Variants in SPOCK1 observed in about 807,000 individuals in gnomAD.
The protein encoded by SPOCK1 is SPARC (osteonectin), cwcv and kazal like domains proteoglycan 1, also known as testican-1.
In SPOCK1, 23 loss-of-function variants were observed where a neutral mutation model predicts 55.3. That is an observed-to-expected ratio of 0.42 (90% CI 0.30 to 0.59). The LOEUF is 0.59. Ranked by LOEUF, SPOCK1 falls within the 20% of genes least tolerant of loss-of-function variation. The pLI, the probability that SPOCK1 is intolerant of heterozygous loss-of-function variation, is 0.22. For synonymous variants in SPOCK1, 226 were observed against 221.0 expected, an observed-to-expected ratio of 1.02 and a Z score of -0.20; for missense variants, 499 against 552.5, an observed-to-expected ratio of 0.90 and a Z score of 0.97.
At chr5:137,484,396 C>G (rs1192538926) in intron 2 of SPOCK1, among the ~76,000 whole-genome samples, 10 of 152,184 alleles carry the variant, frequency 6.6e-5, no homozygotes, top group Non-Finnish European at 1.5e-4. Flanking sequence ...ACACCTGTTT[C>G]CCTGACAAAA....
At chr5:137,092,440 G>A (rs1315817655) in intron 5 of SPOCK1, among the ~76,000 whole-genome samples, 2 of 152,180 alleles carry the variant, frequency 1.3e-5, no homozygotes, top group East Asian at 1.9e-4. Flanking sequence ...CCCACTTGGC[G>A]CTTCTGCCAG....
chr5:137,486,387 T>C (rs147635535), intron 2 of SPOCK1, among the ~76,000 whole-genome samples: 102 of 152,272 alleles, frequency 6.7e-4, no homozygotes, highest in African/African-American at 2.4e-3. Flanking sequence ...ATTTGCAGAG[T>C]AGGCCCTTTT....
At chr5:137,184,159 A>G (rs1329668866) in intron 3 of SPOCK1, among the ~76,000 whole-genome samples, 1 of 152,214 alleles carries the variant, frequency 6.6e-6, no homozygotes, top group African/African-American at 2.4e-5. Context: ...CTCAATGACC[A>G]TGTAAAGTAG....
chr5:137,400,124 A>G (rs1158160719), intron 2 of SPOCK1, among the ~76,000 whole-genome samples: 1 of 152,226 alleles, frequency 6.6e-6, no homozygotes, highest in African/African-American at 2.4e-5. Context: ...GTTAACTGGG[A>G]TATTCTTGCC....
chr5:137,042,812 T>C (rs1752024971), intron 6 of SPOCK1, among the ~76,000 whole-genome samples: 1 of 152,138 alleles, frequency 6.6e-6, no homozygotes. Flanking sequence ...TAGCTTAATA[T>C]AGATACATAT....
In SPOCK1 at chr5:137,112,121, C is replaced by G. The variant is rs1448386681; in HGVS notation, c.474+314G>C. On this transcript the variant is annotated intron_variant, in intron 5 of 10. Coordinates refer to ENST00000394945, the MANE Select transcript of SPOCK1 (RefSeq NM_004598.4). ...GCTCCCCATCAGTTGAGCTATATGACTTGCCTCTTTTGAACAGCTGGCTAT... is the reference window on the plus strand; with the variant it reads ...GCTCCCCATCAGTTGAGCTATATGAGTTGCCTCTTTTGAACAGCTGGCTAT... Among the ~76,000 whole-genome samples, 4 of 152,200 alleles carry G rather than the reference C, an allele frequency of 2.6e-5. No individual in the cohort carries two copies. In the East Asian group the frequency reaches 7.7e-4, roughly 29 times the overall value.
intron 2 of SPOCK1, among the ~76,000 whole-genome samples, chr5:137,398,065 G>C (rs1165425070): frequency 6.6e-6 from 1 of 151,940 alleles, no homozygotes; most frequent in Non-Finnish European, 1.5e-5. Context: ...CACCGTCTGG[G>C]CCATACCAGC....
chr5:137,452,066 G>A (rs945860235), intron 2 of SPOCK1, among the ~76,000 whole-genome samples: 2 of 152,206 alleles, frequency 1.3e-5, no homozygotes, highest in Non-Finnish European at 2.9e-5. Context: ...GCATCAGGTT[G>A]ATGGCCAAAA....
rs912104331 is a variant in SPOCK1, at chr5:136,975,663, G to A, written c.*2991C>T. On this transcript the variant is annotated 3_prime_UTR_variant, in exon 11 of 11. Coordinates refer to ENST00000394945, the MANE Select transcript of SPOCK1 (RefSeq NM_004598.4). ...AAAAATGTGAGTGGCATCCTGGGAT[G>A]AGCAGGGGGACAGACCTGGACAGAC... The A allele has an allele frequency of 5.3e-5, 8 of 152,290 alleles. No individual in the cohort carries two copies. The highest frequency in any genetic ancestry group is 1.9e-4 in the African/African-American group (8 of 41,456). 9.4% of individuals were successfully genotyped at this position (152,290 alleles called of 1,614,324 possible). A position where few individuals can be genotyped will look rare whatever the true frequency, so the allele number is the denominator to read the frequency against.
chr5:137,255,932 A>G (rs1463483814), intron 3 of SPOCK1, among the ~76,000 whole-genome samples: 3 of 152,222 alleles, frequency 2.0e-5, no homozygotes, highest in Non-Finnish European at 4.4e-5. Flanking sequence ...GAGCCAAAGA[A>G]GAAGATGAGC....
At chr5:137,016,795 A>G (rs922920833) in intron 6 of SPOCK1, among the ~76,000 whole-genome samples, 1 of 152,240 alleles carries the variant, frequency 6.6e-6, no homozygotes, top group Non-Finnish European at 1.5e-5. Flanking sequence ...ATTTTAAGAG[A>G]GCAAAACAAT....
intron 3 of SPOCK1, among the ~76,000 whole-genome samples, chr5:137,205,742 G>A (rs893057630): frequency 6.6e-6 from 1 of 152,210 alleles, no homozygotes; most frequent in Non-Finnish European, 1.5e-5. Flanking sequence ...GAGCATCTCT[G>A]TGCCATAATA....
chr5:137,159,335 A>G (rs1320098249), intron 3 of SPOCK1, among the ~76,000 whole-genome samples: 2 of 152,232 alleles, frequency 1.3e-5, no homozygotes, highest in Non-Finnish European at 2.9e-5. Flanking sequence ...AATGTCAAGT[A>G]TATGTTGTCT....
chr5:137,160,558 T>TATATATAATATATTATATATA (rs1554100824), intron 3 of SPOCK1, among the ~76,000 whole-genome samples: 1 of 57,288 alleles, frequency 1.7e-5, no homozygotes, highest in African/African-American at 7.8e-5. Flanking sequence ...TAATATATAT[T>TATATATAATATATTATATATA]ATATATTATA....
chr5:137,149,211 C>T (rs1438457192), intron 3 of SPOCK1, among the ~76,000 whole-genome samples: 9 of 152,260 alleles, frequency 5.9e-5, no homozygotes, highest in Admixed American at 5.2e-4. Flanking sequence ...TGCGTATGTT[C>T]CACACTGCTA....
intron 6 of SPOCK1, among the ~76,000 whole-genome samples, chr5:137,037,351 G>C (rs1751903955): frequency 6.7e-6 from 1 of 150,300 alleles, no homozygotes; most frequent in South Asian, 2.2e-4. Flanking sequence ...CAGAACACAT[G>C]TGTACCACAC....
intron 2 of SPOCK1, among the ~76,000 whole-genome samples, chr5:137,465,814 C>T (rs543722678): frequency 7.2e-5 from 11 of 152,298 alleles, no homozygotes; most frequent in African/African-American, 2.6e-4. Flanking sequence ...CAACAAGAGT[C>T]TTGGTCTTCC....
chr5:137,372,032 A>G (rs554690536), intron 2 of SPOCK1, among the ~76,000 whole-genome samples: 1 of 152,188 alleles, frequency 6.6e-6, no homozygotes, highest in African/African-American at 2.4e-5. Context: ...ACATATCCAA[A>G]CTATCATTTC....
At chr5:137,110,966 G>A (rs1370456733) in intron 5 of SPOCK1, among the ~76,000 whole-genome samples, 2 of 152,130 alleles carry the variant, frequency 1.3e-5, no homozygotes, top group Non-Finnish European at 2.9e-5. Context: ...TTTGTAAGAA[G>A]CACATTTTTC....
Sources: gnomAD v4.1 joint callset for allele counts (sites outside exome capture counted in the v4.1 genomes callset) on GRCh38, gnomAD v4.1.1 for gene constraint, MANE v1.5 for transcripts, NCBI Gene and HGNC (gene_info 2026-07-23, HGNC 2026-07-21) for gene names.